RBM33: variants seen among roughly 807,000 people sequenced by gnomAD.
RBM33 encodes RNA-binding protein 33.
In RBM33, 28 loss-of-function variants were observed where a neutral mutation model predicts 132.6. That is an observed-to-expected ratio of 0.21 (90% CI 0.16 to 0.29). The LOEUF is 0.29. RBM33 is among the 10% of genes least tolerant of loss of function. RBM33 has a pLI of 1.00. For synonymous variants in RBM33, 634 were observed against 593.0 expected (o/e 1.07, Z -1.01); for missense variants, 1,291 against 1,518.5 (o/e 0.85, Z 2.49).
chr7:155,686,867 T>C (rs1799494101), intron 5 of RBM33, among the ~76,000 whole-genome samples: 2 of 152,218 alleles, frequency 1.3e-5, no homozygotes, highest in Admixed American at 1.3e-4. Flanking sequence ...ATTTTCTTAA[T>C]CCAGTCTATC....
At chr7:155,744,802 G>A (rs1250211204) in intron 13 of RBM33, among the ~76,000 whole-genome samples, 159 bp from the exon 14 acceptor site, 1 of 152,118 alleles carries the variant, frequency 6.6e-6, no homozygotes, top group South Asian at 2.1e-4. Flanking sequence ...CTCCCCAGAG[G>A]AAGGAGTTAT....
chr7:155,668,066 T>A (rs1798846817), intron 2 of RBM33, among the ~76,000 whole-genome samples: 1 of 152,152 alleles, frequency 6.6e-6, no homozygotes, highest in African/African-American at 2.4e-5. Flanking sequence ...TCTAAAAAAA[T>A]TCCTTATTAC....
intron 2 of RBM33, among the ~76,000 whole-genome samples, chr7:155,671,231 A>T (rs1000142149): frequency 6.6e-6 from 1 of 152,200 alleles, no homozygotes; most frequent in African/African-American, 2.4e-5. Flanking sequence ...ATTGTATTTG[A>T]TAGATGATAG....
intron 16 of RBM33, among the ~76,000 whole-genome samples, chr7:155,769,672 G>A (rs1052370797): frequency 6.6e-6 from 1 of 152,142 alleles, no homozygotes; most frequent in Non-Finnish European, 1.5e-5. Context: ...GTGGATCACC[G>A]AGAAGACAGC....
chr7:155,654,605 G>A (rs1212529866), intron 1 of RBM33, among the ~76,000 whole-genome samples: 5 of 152,038 alleles, frequency 3.3e-5, no homozygotes, highest in Admixed American at 2.6e-4. Context: ...TATTTCCCTG[G>A]AATGCCCATC....
Position 155,774,526 on chromosome 7 carries a change from A to G in RBM33, c.3376-33A>G, listed in dbSNP as rs1469170777. 2.7e-6 allele frequency: 4 copies of G among 1,461,304 alleles called. No homozygotes were observed. Among genetic ancestry groups the G allele is most frequent in the East Asian group, 4.5e-5 (2 of 44,210 alleles). The allele number at this position is 1,461,304 out of a possible 1,614,324, so 90.5% of individuals were successfully genotyped here. A position where few individuals can be genotyped will look rare whatever the true frequency, so the allele number is the denominator to read the frequency against. ...TTCATATTTTTTATTGTCATTTACA[A>G]CTGATCTTAAAGTGTTTGTTTTCTT... On this transcript the variant is annotated intron_variant, in intron 16 of 17. Coordinates refer to ENST00000401878, the MANE Select transcript of RBM33 (RefSeq NM_053043.3). The surrounding 1 kb of genome is among the most constrained non-coding windows in gnomAD (Gnocchi z 4.2).
In RBM33 at chr7:155,763,151, G is replaced by A. The variant is rs926361754; in HGVS notation, c.2980-661G>A. ...CTAAGGTTCTTCGTAGAGTAAATGC[G>A]CTTCTTGGAAATCCACGTACTCTGT... is the stretch of plus-strand genomic sequence containing the variant. On this transcript the variant is annotated intron_variant, in intron 14 of 17. Transcript: ENST00000401878. 2.6e-5 allele frequency among the ~76,000 whole-genome samples: 4 copies of A among 152,208 alleles called. No homozygotes were observed. In the South Asian group the frequency reaches 8.3e-4, roughly 32 times the overall value.
At chr7:155,733,086 A>G (rs975254862) in intron 9 of RBM33, among the ~76,000 whole-genome samples, 2 of 152,160 alleles carry the variant, frequency 1.3e-5, no homozygotes, top group African/African-American at 4.8e-5. Flanking sequence ...ACCAAGGGTT[A>G]CAAGAGAAGC....
At chr7:155,756,346 C>G (rs1418270105) in intron 14 of RBM33, among the ~76,000 whole-genome samples, 1 of 152,126 alleles carries the variant, frequency 6.6e-6, no homozygotes, top group East Asian at 1.9e-4. Context: ...TGGCTTGGTT[C>G]TTATTCAAAT....
At chr7:155,712,496 T>C (rs1182399765) in intron 8 of RBM33, among the ~76,000 whole-genome samples, 1 of 152,234 alleles carries the variant, frequency 6.6e-6, no homozygotes, top group African/African-American at 2.4e-5. Context: ...AAGTATTTTA[T>C]GTGGCATGTT....
At chr7:155,680,521 T>C in intron 4 of RBM33, 69 bp from the exon 5 acceptor site, 2 of 1,091,850 alleles carry the variant, frequency 1.8e-6, no homozygotes, top group Non-Finnish European at 2.6e-6. Context: ...AACAGCTATT[T>C]ATATAATGAT....
intron 9 of RBM33, among the ~76,000 whole-genome samples, chr7:155,724,813 C>T (rs1014697793): frequency 2.0e-5 from 3 of 152,104 alleles, no homozygotes; most frequent in Non-Finnish European, 2.9e-5. Context: ...TGTAGTATAA[C>T]GCGTTTGAGA....
At chr7:155,680,398 G>T (rs1441189592) in intron 4 of RBM33, among the ~76,000 whole-genome samples, 192 bp from the exon 5 acceptor site, 1 of 152,176 alleles carries the variant, frequency 6.6e-6, no homozygotes, top group Non-Finnish European at 1.5e-5. Context: ...TCTGCTGTAC[G>T]CATTAAGGGT....
chr7:155,738,373 T>C lies in RBM33; in HGVS notation c.1707T>C (p.Phe569=). The change falls in exon 11 of 18, where the codon TTT becomes TTC. Residue 569 remains phenylalanine (F), a synonymous_variant. Coordinates refer to ENST00000401878, the MANE Select transcript of RBM33 (RefSeq NM_053043.3). The stretch of plus-strand genomic sequence containing the variant: ...TCCTGCCAGGCCCAGGACAGCCGTT[T>C]CTGCCCACACACACACAGCCCAACC... ...QPFLPGPGQP[F]LPTHTQPNLQ... 6.2e-7 allele frequency: 1 copy of C among 1,613,902 alleles called. No homozygotes were observed. The highest frequency in any genetic ancestry group is 8.5e-7 in the Non-Finnish European group (1 of 1,179,808).
rs1318876229 is a variant in RBM33 at position 155,774,516 on chromosome 7, G to A, written c.3376-43G>A. ...AATATATATATTCATATTTTTTATT[G>A]TCATTTACAACTGATCTTAAAGTGT... On this transcript the variant is annotated intron_variant, in intron 16 of 17. Transcript: ENST00000401878. This position sits in a 1 kb window ranked among gnomAD's most constrained non-coding sequence, Gnocchi z 4.2. 4 of 1,377,470 alleles carry A rather than the reference G, an allele frequency of 2.9e-6. No individual in the cohort carries two copies. Among genetic ancestry groups the A allele is most frequent in the Non-Finnish European group, 4.1e-6 (4 of 967,670 alleles). The allele number at this position is 1,377,470 out of a possible 1,614,324, so 85.3% of individuals were successfully genotyped here.
chr7:155,776,294 C>CA lies in RBM33; in HGVS notation c.*1254dup, dbSNP rs1446842605. ...TGAGCAAATAATGATAGGGCATACT[C>CA]AGACATTTTAGCTACCTTTTATACC... On this transcript the variant is annotated 3_prime_UTR_variant, in exon 18 of 18. Transcript: ENST00000401878. This position sits in a 1 kb window ranked among gnomAD's most constrained non-coding sequence, Gnocchi z 4.0. 1 of 152,534 alleles carries CA rather than the reference C, an allele frequency of 6.6e-6. No individual in the cohort carries two copies. Among genetic ancestry groups the CA allele is most frequent in the Non-Finnish European group, 1.5e-5 (1 of 68,034 alleles). 9.4% of individuals were successfully genotyped at this position (152,534 alleles called of 1,614,324 possible). A position where few individuals can be genotyped will look rare whatever the true frequency, so the allele number is the denominator to read the frequency against.
At chr7:155,689,542 C>G (rs1799573238) in intron 5 of RBM33, among the ~76,000 whole-genome samples, 1 of 151,014 alleles carries the variant, frequency 6.6e-6, no homozygotes, top group Admixed American at 6.6e-5. Context: ...TCTTGCTTCT[C>G]AAGTTCTTTT....
intron 5 of RBM33, among the ~76,000 whole-genome samples, chr7:155,690,158 A>G (rs888830931): frequency 1.3e-5 from 2 of 152,154 alleles, no homozygotes; most frequent in African/African-American, 2.4e-5. Context: ...GTGCTCCTGT[A>G]TTGGGTGCAC....
chr7:155,724,690 G>T (rs1486471897), intron 9 of RBM33, among the ~76,000 whole-genome samples: 1 of 152,126 alleles, frequency 6.6e-6, no homozygotes, highest in Non-Finnish European at 1.5e-5. Context: ...GCCCCTTGTG[G>T]TTAGCCCCTC....
Sources: gnomAD v4.1 joint callset for allele counts (sites outside exome capture counted in the v4.1 genomes callset) on GRCh38, gnomAD v4.1.1 for gene constraint, Gnocchi (gnomAD v3.1) non-coding constraint, MANE v1.5 for transcripts, NCBI Gene and HGNC (gene_info 2026-07-23, HGNC 2026-07-21) for gene names.